CADPS: variants seen among roughly 807,000 people sequenced by gnomAD.
CADPS encodes the protein calcium-dependent secretion activator 1.
Under a neutral mutation model 167.3 loss-of-function variants are expected in CADPS, and 57 were observed. That is an observed-to-expected ratio of 0.34 (90% CI 0.28 to 0.42). The LOEUF (loss-of-function observed/expected upper bound fraction) is 0.42. Ranked by LOEUF, CADPS falls within the 20% of genes least tolerant of loss-of-function variation. The pLI is 1.00. For missense variants in CADPS, 1,414 were observed against 1,738.1 expected (o/e 0.81, Z 3.32); for synonymous variants, 676 against 635.3 (o/e 1.06, Z -0.96).
intron 6 of CADPS, among the ~76,000 whole-genome samples, chr3:62,604,124 C>T (rs896461543): frequency 2.0e-5 from 3 of 152,114 alleles, no homozygotes; most frequent in African/African-American, 7.2e-5. Flanking sequence ...GCCACCTCAC[C>T]CGGCCTGCTA....
intron 9 of CADPS, among the ~76,000 whole-genome samples, chr3:62,559,192 G>A (rs954836244): frequency 6.6e-6 from 1 of 152,150 alleles, no homozygotes; most frequent in Non-Finnish European, 1.5e-5. Flanking sequence ...CTTAATAGGT[G>A]GATTTACCTA....
chr3:62,447,838 A>T (rs1217762596), intron 26 of CADPS, among the ~76,000 whole-genome samples: 1 of 152,122 alleles, frequency 6.6e-6, no homozygotes, highest in African/African-American at 2.4e-5. Context: ...TTTCCTCGCC[A>T]TTGCTATGCT....
At chr3:62,809,978 T>A (rs1459616383) in intron 1 of CADPS, among the ~76,000 whole-genome samples, 1 of 152,176 alleles carries the variant, frequency 6.6e-6, no homozygotes, top group Non-Finnish European at 1.5e-5. Context: ...AAATAATCTT[T>A]GAATACCAGG....
intron 6 of CADPS, among the ~76,000 whole-genome samples, chr3:62,645,207 G>A (rs753444799): frequency 1.5e-4 from 23 of 152,244 alleles, no homozygotes; most frequent in Middle Eastern, 3.4e-3. Flanking sequence ...GGGAAAGAGT[G>A]GGAAGGGGGT....
chr3:62,570,026 T>C (rs984432683), intron 9 of CADPS, among the ~76,000 whole-genome samples: 4 of 152,192 alleles, frequency 2.6e-5, no homozygotes, highest in Non-Finnish European at 5.9e-5. Context: ...AACATCAATA[T>C]CCGCATCTAC....
At chr3:62,781,918 C>T (rs111268205) in intron 1 of CADPS, among the ~76,000 whole-genome samples, 2 of 152,308 alleles carry the variant, frequency 1.3e-5, no homozygotes, top group Non-Finnish European at 2.9e-5. Flanking sequence ...TGTATTTGGT[C>T]CCCAGAGCCC....
At chr3:62,583,528 A>T (rs1467965931) in intron 8 of CADPS, among the ~76,000 whole-genome samples, 1 of 152,174 alleles carries the variant, frequency 6.6e-6, no homozygotes, top group African/African-American at 2.4e-5. Context: ...GTGTGTCCTT[A>T]GGGCCCTGCA....
intron 23 of CADPS, among the ~76,000 whole-genome samples, chr3:62,477,409 G>T (rs1228427564): frequency 1.3e-5 from 2 of 151,748 alleles, no homozygotes; most frequent in African/African-American, 2.4e-5. Context: ...GAGTGATGAT[G>T]ATGATGTCCC....
rs527419525 is a variant in CADPS at position 62,533,988 on chromosome 3, C to T, written c.2104-930G>A. Among the ~76,000 whole-genome samples, 179 of 152,260 alleles carry T rather than the reference C, an allele frequency of 1.2e-3. 2 individuals are homozygous for T. The highest frequency in any genetic ancestry group is 4.2e-3 in the African/African-American group (175 of 41,556). The stretch of plus-strand genomic sequence containing the variant: ...GGGAATTCAGATCTGCAAATTAGAG[C>T]AGGTTTGGTGGCATGATGGGATGGA... On this transcript the variant is annotated intron_variant, in intron 12 of 29. Coordinates refer to ENST00000383710, the MANE Select transcript of CADPS (RefSeq NM_003716.4).
chr3:62,525,993 G>A (rs1046990977), intron 13 of CADPS, among the ~76,000 whole-genome samples: 5 of 152,050 alleles, frequency 3.3e-5, no homozygotes, highest in African/African-American at 9.7e-5. Flanking sequence ...GATACTTAAG[G>A]GCATTGTCAG....
intron 3 of CADPS, among the ~76,000 whole-genome samples, chr3:62,684,056 A>G (rs190842086): frequency 5.3e-5 from 8 of 152,042 alleles, no homozygotes; most frequent in African/African-American, 1.9e-4. Flanking sequence ...GAAGTAAGTT[A>G]CTACATGGAG....
In CADPS at chr3:62,530,654, C is replaced by A. The variant is rs74790417; in HGVS notation, c.2291+2217G>T. On this transcript the variant is annotated intron_variant, in intron 13 of 29. Coordinates refer to ENST00000383710, the MANE Select transcript of CADPS (RefSeq NM_003716.4). ...AGCCAATACACACATAACTTCTTACCTTTTCAGCTCTTGATTTGCCTGGGT... is the reference window on the plus strand; with the variant it reads ...AGCCAATACACACATAACTTCTTACATTTTCAGCTCTTGATTTGCCTGGGT... 601 of 1,286,404 alleles carry A rather than the reference C, an allele frequency of 4.7e-4. 2 individuals are homozygous for A. In the African/African-American group the frequency reaches 8.2e-3, roughly 18 times the overall value. The allele number at this position is 1,286,404 out of a possible 1,614,324, so 79.7% of individuals were successfully genotyped here. A position where few individuals can be genotyped will look rare whatever the true frequency, so the allele number is the denominator to read the frequency against.
intron 1 of CADPS, among the ~76,000 whole-genome samples, chr3:62,852,750 C>T (rs1307064640): frequency 6.6e-6 from 1 of 152,160 alleles, no homozygotes; most frequent in East Asian, 1.9e-4. Flanking sequence ...GTTCAAAAGC[C>T]ACCTCCCTCC....
intron 6 of CADPS, among the ~76,000 whole-genome samples, chr3:62,628,316 A>G (rs998524387): frequency 2.0e-5 from 3 of 152,230 alleles, no homozygotes; most frequent in Non-Finnish European, 4.4e-5. Context: ...CCATCATGCA[A>G]TCATTTTCTT....
chr3:62,818,044 G>A (rs2094709980), intron 1 of CADPS, among the ~76,000 whole-genome samples: 1 of 152,102 alleles, frequency 6.6e-6, no homozygotes, highest in African/African-American at 2.4e-5. Flanking sequence ...TCTAGCTTTA[G>A]GTTGATGTTA....
At chr3:62,539,269 C>T (rs186035015) in intron 11 of CADPS, among the ~76,000 whole-genome samples, 28 of 152,112 alleles carry the variant, frequency 1.8e-4, no homozygotes, top group African/African-American at 5.3e-4. Flanking sequence ...CCCTTCCTGC[C>T]GTTATAGGCT....
At chr3:62,729,376 C>G (rs34576248) in intron 3 of CADPS, among the ~76,000 whole-genome samples, 33,773 of 151,834 alleles carry the variant, frequency 0.22, 5,152 homozygotes, top group East Asian at 0.68. Context: ...ATGCCCTTAA[C>G]TGAAACCACA....
chr3:62,726,569 A>G (rs1055837291), intron 3 of CADPS, among the ~76,000 whole-genome samples: 2 of 151,966 alleles, frequency 1.3e-5, no homozygotes, highest in South Asian at 2.1e-4. Context: ...TATCTCTACT[A>G]GGAAACCTAA....
rs1267203884 is a variant in CADPS, at chr3:62,478,368, A to C, written c.3222T>G (p.Leu1074=). The C allele has an allele frequency of 2.5e-6, 4 of 1,613,852 alleles. No homozygotes were observed. In the South Asian group the frequency reaches 4.4e-5, roughly 18 times the overall value. The change falls in exon 23 of 30, where the codon CTT becomes CTG. Residue 1074 remains leucine (L), a synonymous_variant. Coordinates refer to ENST00000383710, the MANE Select transcript of CADPS (RefSeq NM_003716.4). This position sits in a 1 kb window ranked among gnomAD's most constrained non-coding sequence, Gnocchi z 5.7. Reference sequence around the variant, plus strand: ...AGTGCAGGTCCCGAATGAAGGTCTGAAGGGCGTCAAGTTTCCAAAACAGAT... The same window carrying C: ...AGTGCAGGTCCCGAATGAAGGTCTGCAGGGCGTCAAGTTTCCAAAACAGAT... ...SEDLFWKLDA[L]QTFIRDLHWP...
Sources: gnomAD v4.1 joint callset for allele counts (sites outside exome capture counted in the v4.1 genomes callset) on GRCh38, gnomAD v4.1.1 for gene constraint, Gnocchi (gnomAD v3.1) non-coding constraint, MANE v1.5 for transcripts, NCBI Gene and HGNC (gene_info 2026-07-23, HGNC 2026-07-21) for gene names.